RTBDN: variants seen among roughly 807,000 people sequenced by gnomAD.
RTBDN encodes the protein retbindin.
RTBDN carries 24 observed loss-of-function variants against 21.9 expected under a neutral mutation model. That is an observed-to-expected ratio of 1.10 (90% CI 0.79 to 1.54). The LOEUF is 1.54. RTBDN is among the 40% of genes most tolerant of loss of function. The pLI, the probability that RTBDN is intolerant of heterozygous loss-of-function variation, is 0.00. For synonymous variants in RTBDN, 141 were observed against 125.9 expected (o/e 1.12, Z -0.80); for missense variants, 325 against 315.2 (o/e 1.03, Z -0.23).
rs946673374 is a variant in RTBDN at position 12,829,828 on chromosome 19, C to T, written c.152G>A (p.Gly51Asp). ...GTGCTCACCTGCCAGGTGCAGCTTG[C>T]CTTTGCCCAGATCAGCTGCCAGCCC... ...HHGLAADLGK[G>D]KLHLAGPCCP... Residue 51 changes from glycine to aspartate, a missense_variant, in exon 2 of 6, where the codon GGC (glycine) becomes GAC (aspartate). Transcript: ENST00000674343. The T allele has an allele frequency of 2.5e-6, 4 of 1,612,762 alleles. No individual in the cohort carries two copies. Among genetic ancestry groups the T allele is most frequent in the African/African-American group, 1.3e-5 (1 of 74,898 alleles).
intron 4 of RTBDN, 82 bp downstream of exon 4, chr19:12,828,575 A>C (rs1969414985): frequency 3.7e-6 from 4 of 1,080,562 alleles, no homozygotes; most frequent in Non-Finnish European, 5.4e-6. Flanking sequence ...TCCCCTTTAC[A>C]CAGAAGGCCA....
At chr19:12,831,702 T>A (rs370426825) in intron 1 of RTBDN, among the ~76,000 whole-genome samples, 35 of 152,238 alleles carry the variant, frequency 2.3e-4, no homozygotes, top group African/African-American at 7.9e-4. Flanking sequence ...TGAAACTCTG[T>A]CTCAAAAACA....
rs777412864 is a variant in RTBDN at position 12,828,913 on chromosome 19, C to T, written c.210G>A (p.Ser70=). The part of the protein sequence containing the change: ...CPSEMDTTET[S]GPGNHPERCG... The stretch of plus-strand genomic sequence containing the variant: ...AGCGTTCTGGATGGTTTCCAGGGCC[C>T]GATGTCTCTGTTGTGTCCATCTCTG... The change falls in exon 3 of 6, where the codon TCG becomes TCA. Residue 70 remains serine (S), a synonymous_variant. Transcript: ENST00000674343. 1.8e-5 allele frequency: 29 copies of T among 1,613,990 alleles called. No homozygotes were observed. In the East Asian group the frequency reaches 2.5e-4, roughly 14 times the overall value.
Position 12,828,774 on chromosome 19 carries a change from G to C in RTBDN, c.255-7C>G. 6.2e-7 allele frequency: 1 copy of C among 1,614,008 alleles called. No homozygotes were observed. The highest frequency in any genetic ancestry group is 2.2e-5 in the East Asian group (1 of 44,882). On this transcript the variant is annotated splice_region_variant and splice_polypyrimidine_tract_variant and intron_variant, in intron 3 of 5. Coordinates refer to ENST00000674343, the MANE Select transcript of RTBDN (RefSeq NM_001270441.2). Reference sequence around the variant, plus strand: ...TTCCAGGAAGGATTCGCATCTGGACGTTGGGAGAGATAGGGTCGGATGGGT... The same window carrying C: ...TTCCAGGAAGGATTCGCATCTGGACCTTGGGAGAGATAGGGTCGGATGGGT...
chr19:12,834,115 C>G lies in RTBDN; in HGVS notation c.-19+374G>C. The G allele has an allele frequency of 2.5e-6, 1 of 400,544 alleles. No homozygotes were observed. Among genetic ancestry groups the G allele is most frequent in the Non-Finnish European group, 4.4e-6 (1 of 227,182 alleles). 24.8% of individuals were successfully genotyped at this position (400,544 alleles called of 1,614,324 possible). On this transcript the variant is annotated intron_variant, in intron 1 of 5. Coordinates refer to ENST00000674343, the MANE Select transcript of RTBDN (RefSeq NM_001270441.2). The surrounding 1 kb of genome is among the most constrained non-coding windows in gnomAD (Gnocchi z 4.7). ...CTAGGGTCAGCCGGGACGCCCCCAC[C>G]CATAGGTTCGGGACGCTAACCGCGG...
upstream of RTBDN, chr19:12,834,867 T>A (rs1408913452): frequency 6.2e-7 from 1 of 1,613,694 alleles, no homozygotes; most frequent in African/African-American, 1.3e-5. The surrounding 1 kb of genome is among the most constrained non-coding windows in gnomAD (Gnocchi z 4.7). Flanking sequence ...AGTACGGAAG[T>A]TCAGGGTTAA....
At position 12,830,574 on chromosome 19, in the gene RTBDN, A is replaced by G. The variant is rs1969532754; in HGVS notation, c.-18-577T>C. The G allele has an allele frequency of 1.0e-5, 10 of 985,032 alleles. No individual in the cohort carries two copies. The highest frequency in any genetic ancestry group is 1.2e-5 in the Non-Finnish European group (10 of 829,726). 61.0% of individuals were successfully genotyped at this position (985,032 alleles called of 1,614,324 possible). On this transcript the variant is annotated intron_variant, in intron 1 of 5. Coordinates refer to ENST00000674343, the MANE Select transcript of RTBDN (RefSeq NM_001270441.2). The surrounding 1 kb of genome is among the most constrained non-coding windows in gnomAD (Gnocchi z 4.2). ...ACAGCTAGCGGTCTGTGGAGACAAG[A>G]CTGTCCCCTTCCCGCCTCCCCGCAT... is the stretch of plus-strand genomic sequence containing the variant.
chr19:12,834,009 A>G lies in RTBDN; in HGVS notation c.-19+480T>C. On this transcript the variant is annotated intron_variant, in intron 1 of 5. Coordinates refer to ENST00000674343, the MANE Select transcript of RTBDN (RefSeq NM_001270441.2). This position sits in a 1 kb window ranked among gnomAD's most constrained non-coding sequence, Gnocchi z 4.7. ...TCATCCGCCGCCGGAGGCTGCAGGT[A>G]CGCGGCTGCCTGGGCCCCGGGTGGA... 1 of 398,176 alleles carries G rather than the reference A, an allele frequency of 2.5e-6. No individual in the cohort carries two copies. Among genetic ancestry groups the G allele is most frequent in the Admixed American group, 4.4e-5 (1 of 22,626 alleles). The allele number at this position is 398,176 out of a possible 1,614,324, so 24.7% of individuals were successfully genotyped here.
At chr19:12,833,787 G>T (rs1969662617) in intron 1 of RTBDN, among the ~76,000 whole-genome samples, 1 of 124,760 alleles carries the variant, frequency 8.0e-6, no homozygotes, top group Non-Finnish European at 1.6e-5. Context: ...GCGCCCAGAC[G>T]CAGTGACGGC....
At chr19:12,833,356 C>A (rs537251929) in intron 1 of RTBDN, among the ~76,000 whole-genome samples, 1 of 151,784 alleles carries the variant, frequency 6.6e-6, no homozygotes, top group Non-Finnish European at 1.5e-5. Flanking sequence ...ATCCTTTACA[C>A]GGGAATTGTT....
chr19:12,828,900 G>A lies in RTBDN; in HGVS notation c.223C>T (p.His75Tyr). 2 of 1,614,214 alleles carry A rather than the reference G, an allele frequency of 1.2e-6. No homozygotes were observed. The highest frequency in any genetic ancestry group is 1.7e-6 in the Non-Finnish European group (2 of 1,180,044). ...DTTETSGPGN[H>Y]PERCGVPSPE... is the part of the protein sequence containing the mutation. ...CTCGGCACTCCACAGCGTTCTGGAT[G>A]GTTTCCAGGGCCCGATGTCTCTGTT... Residue 75 changes from histidine to tyrosine, a missense_variant, in exon 3 of 6, where the codon CAT becomes TAT. Physicochemically the swap from His to Tyr is moderately conservative, Grantham distance 83. Coordinates refer to ENST00000674343, the MANE Select transcript of RTBDN (RefSeq NM_001270441.2).
chr19:12,834,934 A>T, upstream of RTBDN: 1 of 1,546,058 alleles, frequency 6.5e-7, no homozygotes, highest in African/African-American at 1.4e-5. The surrounding 1 kb of genome is among the most constrained non-coding windows in gnomAD (Gnocchi z 4.7). Context: ...CTGTGCCCCA[A>T]GGCCCTGCCT....
intron 2 of RTBDN, among the ~76,000 whole-genome samples, chr19:12,829,513 T>C (rs1220743045): frequency 1.3e-5 from 2 of 152,202 alleles, no homozygotes; most frequent in Admixed American, 1.3e-4. Context: ...CATATGCTTA[T>C]ATGCTTAATC....
intron 4 of RTBDN, among the ~76,000 whole-genome samples, chr19:12,828,275 A>G (rs892793306): frequency 1.3e-5 from 2 of 152,038 alleles, no homozygotes; most frequent in Non-Finnish European, 2.9e-5. Context: ...GTGCGCCTGT[A>G]ACCACAGCTA....
intron 5 of RTBDN, chr19:12,826,221 C>A (rs1297523044): frequency 1.5e-6 from 2 of 1,316,220 alleles, no homozygotes; most frequent in Non-Finnish European, 1.9e-6. Context: ...TCTGGGTCCT[C>A]CAGGGTAAAA....
At chr19:12,826,971 G>A (rs528580384) in intron 4 of RTBDN, 100 bp from the exon 5 acceptor site, 4 of 805,632 alleles carry the variant, frequency 5.0e-6, no homozygotes, top group Non-Finnish European at 8.4e-6. Flanking sequence ...CCCCACCTCG[G>A]ATCCAGGCCC....
chr19:12,825,759 T>C lies in RTBDN; in HGVS notation c.637A>G (p.Ile213Val), dbSNP rs750547731. Residue 213 changes from isoleucine to valine, a missense_variant, in exon 6 of 6, where the codon ATC becomes GTC. Ile to Val is a conservative substitution (Grantham distance 29). Coordinates refer to ENST00000674343, the MANE Select transcript of RTBDN (RefSeq NM_001270441.2). ...SRRSRSPRTS[I>V]LDAAGSGSGS... Reference sequence around the variant, plus strand: ...CTCCCGCTGCCCGCAGCGTCCAGGATGGAGGTGCGAGGGCTGCGGGAACGC... The same window carrying C: ...CTCCCGCTGCCCGCAGCGTCCAGGACGGAGGTGCGAGGGCTGCGGGAACGC... 3 of 1,601,276 alleles carry C rather than the reference T, an allele frequency of 1.9e-6. No homozygotes were observed. Among genetic ancestry groups the C allele is most frequent in the Non-Finnish European group, 2.6e-6 (3 of 1,173,418 alleles).
chr19:12,829,961 T>C lies in RTBDN; in HGVS notation c.19A>G (p.Met7Val). 1.2e-6 allele frequency: 2 copies of C among 1,613,034 alleles called. No individual in the cohort carries two copies. The highest frequency in any genetic ancestry group is 1.7e-6 in the Non-Finnish European group (2 of 1,179,088). The change falls in exon 2 of 6, where the codon ATG becomes GTG. Residue 7 changes from methionine (M) to valine (V), a missense_variant. By Grantham distance (21) the Met-to-Val change is conservative. Transcript: ENST00000674343. ...ACCCACGTCAGGCCGATGGGTCGCATGTGGACCCTGCAGTCCATGTCCACC... is the reference window on the plus strand; with the variant it reads ...ACCCACGTCAGGCCGATGGGTCGCACGTGGACCCTGCAGTCCATGTCCACC... MDCRVH[M>V]RPIGLTWVLQ...
At chr19:12,827,205 G>C (rs1488514735) in intron 4 of RTBDN, among the ~76,000 whole-genome samples, 1 of 152,072 alleles carries the variant, frequency 6.6e-6, no homozygotes, top group African/African-American at 2.4e-5. Flanking sequence ...TCAAGCTGGA[G>C]TGCAGTGGCG....
Sources: gnomAD v4.1 joint callset for allele counts (sites outside exome capture counted in the v4.1 genomes callset) on GRCh38, gnomAD v4.1.1 for gene constraint, Gnocchi (gnomAD v3.1) non-coding constraint, MANE v1.5 for transcripts, NCBI Gene and HGNC (gene_info 2026-07-23, HGNC 2026-07-21) for gene names.